The following SPON1 variants were observed in gnomAD, a reference collection of about 807,000 sequenced individuals.
The protein encoded by SPON1 is spondin 1.
A neutral mutation model predicts 111.7 loss-of-function variants in SPON1; 52 were observed. That is an observed-to-expected ratio of 0.47 (90% CI 0.37 to 0.59). The LOEUF is 0.59. Among genes scored for constraint, SPON1 ranks in the 20% least tolerant of loss-of-function variants. The pLI, the probability that SPON1 is intolerant of heterozygous loss-of-function variation, is 0.00. For missense variants in SPON1, 957 were observed against 1,068.5 expected (o/e 0.90, Z 1.46); for synonymous variants, 410 against 395.8 (o/e 1.04, Z -0.43).
At chr11:14,023,410 G>T (rs1848494636) in intron 2 of SPON1, among the ~76,000 whole-genome samples, 1 of 152,032 alleles carries the variant, frequency 6.6e-6, no homozygotes, top group Admixed American at 6.5e-5. Flanking sequence ...GCAGTCAAAG[G>T]TGAGGCTTAA....
chr11:14,182,385 C>T (rs1183462914), intron 6 of SPON1, among the ~76,000 whole-genome samples: 1 of 152,160 alleles, frequency 6.6e-6, no homozygotes, highest in Admixed American at 6.6e-5. Flanking sequence ...TAAATTCTAA[C>T]CTTGGCCCCT....
intron 6 of SPON1, among the ~76,000 whole-genome samples, chr11:14,234,950 C>T (rs1009156153): frequency 2.6e-4 from 39 of 152,200 alleles, no homozygotes; most frequent in Non-Finnish European, 1.5e-4. Context: ...GGCTGCTTCC[C>T]GGGGAACGGG....
chr11:14,265,570 G>A lies in SPON1; in HGVS notation c.2307G>A (p.Leu769=), dbSNP rs1212440112. 2 of 1,613,758 alleles carry A rather than the reference G, an allele frequency of 1.2e-6. No individual in the cohort carries two copies. Among genetic ancestry groups the A allele is most frequent in the Non-Finnish European group, 8.5e-7 (1 of 1,179,814 alleles). Residue 769 remains leucine (L), a synonymous_variant, in exon 16 of 16, where the codon CTG becomes CTA. Transcript: ENST00000576479. ...CGGCCTGGTCAGAATGCACCAAACT[G>A]TGCGGAGGTGGAATTCAGGAACGTT... ...PWTAWSECTK[L]CGGGIQERYM...
intron 3 of SPON1, among the ~76,000 whole-genome samples, chr11:14,042,920 A>G (rs920164448): frequency 2.0e-5 from 3 of 152,220 alleles, no homozygotes; most frequent in East Asian, 1.9e-4. Context: ...CTGTCTGGAC[A>G]TTATTTGTTT....
intron 6 of SPON1, among the ~76,000 whole-genome samples, chr11:14,175,875 G>A (rs1848169267): frequency 6.6e-6 from 1 of 152,158 alleles, no homozygotes; most frequent in Admixed American, 6.6e-5. Flanking sequence ...TTTGCAAGAT[G>A]CTGCCCAATG....
chr11:14,139,975 G>A (rs1554928596), intron 6 of SPON1, among the ~76,000 whole-genome samples: 2 of 152,262 alleles, frequency 1.3e-5, no homozygotes, highest in Middle Eastern at 3.4e-3. Flanking sequence ...GGATAGTGAG[G>A]GGATTGTGGC....
Position 14,259,650 on chromosome 11 carries a change from A to C in SPON1, c.1780A>C (p.Met594Leu). ...CAAGATGAACCCCGCAGATGGCTCC[A>C]TGTGCAAAGCCGAGACATCACAGGC... is the stretch of plus-strand genomic sequence containing the variant. ...MIKMNPADGS[M>L]CKAETSQAEK... is the part of the protein sequence containing the mutation. Residue 594 changes from methionine (M) to leucine (L), a missense_variant, in exon 13 of 16, where the codon ATG becomes CTG. By Grantham distance (15) the Met-to-Leu change is conservative (BLOSUM62 2). This residue lies in a region of SPON1 where 549 missense variants were observed against 606.2 expected (regional missense o/e 0.91). Coordinates refer to ENST00000576479, the MANE Select transcript of SPON1 (RefSeq NM_006108.4). The surrounding 1 kb of genome is among the most constrained non-coding windows in gnomAD (Gnocchi z 5.0). The C allele has an allele frequency of 6.4e-7, 1 of 1,569,188 alleles. No individual in the cohort carries two copies. The highest frequency in any genetic ancestry group is 1.2e-5 in the South Asian group (1 of 84,944).
intron 2 of SPON1, among the ~76,000 whole-genome samples, chr11:14,024,938 CT>C (rs1848507001): frequency 6.6e-6 from 1 of 152,166 alleles, no homozygotes; most frequent in Admixed American, 6.5e-5. Context: ...TGAAAAGAAT[CT>C]GGAGGCCATA....
At chr11:14,061,275 T>A (rs1398145731) in intron 3 of SPON1, among the ~76,000 whole-genome samples, 1 of 152,230 alleles carries the variant, frequency 6.6e-6, no homozygotes, top group African/African-American at 2.4e-5. Flanking sequence ...GAACAAGTAA[T>A]AAGCTGGTAA....
Position 14,259,124 on chromosome 11 carries a change from A to C in SPON1, c.1493-156A>C, listed in dbSNP as rs1849142255. On this transcript the variant is annotated intron_variant, in intron 11 of 15. Coordinates refer to ENST00000576479, the MANE Select transcript of SPON1 (RefSeq NM_006108.4). This position sits in a 1 kb window ranked among gnomAD's most constrained non-coding sequence, Gnocchi z 5.0. ...GAAAAGAGGCATTTCCTCTTAGAGA[A>C]CTTTGCCAGTTTAAGGATTTAGACC... 6.6e-6 allele frequency among the ~76,000 whole-genome samples: 1 copy of C among 152,224 alleles called. No homozygotes were observed. Among genetic ancestry groups the C allele is most frequent in the Non-Finnish European group, 1.5e-5 (1 of 68,042 alleles).
chr11:14,201,314 T>C (rs1280265515), intron 6 of SPON1, among the ~76,000 whole-genome samples: 1 of 151,554 alleles, frequency 6.6e-6, no homozygotes. Flanking sequence ...CACTCTAGCC[T>C]GGGTGACAGA....
rs569651047 is a variant in SPON1, at chr11:13,986,446, CA to C, written c.345+3495del. ...TTATATATATAGAATGTGTAATGAT[CA>C]AGTCAAATATTTCAGGTATCCCGTC... is the stretch of plus-strand genomic sequence containing the variant. On this transcript the variant is annotated intron_variant, in intron 2 of 15. Coordinates refer to ENST00000576479, the MANE Select transcript of SPON1 (RefSeq NM_006108.4). Among the ~76,000 whole-genome samples the C allele has an allele frequency of 2.9e-3, 435 of 152,112 alleles. 3 individuals are homozygous for C. Among genetic ancestry groups the C allele is most frequent in the African/African-American group, 9.9e-3 (412 of 41,488 alleles).
intron 4 of SPON1, among the ~76,000 whole-genome samples, chr11:14,078,816 G>GTC (rs1230833134): frequency 6.6e-6 from 1 of 152,130 alleles, no homozygotes; most frequent in Admixed American, 6.5e-5. Flanking sequence ...TTATTATGAT[G>GTC]TCTCATCCTT....
At chr11:14,150,843 G>A (rs1270188381) in intron 6 of SPON1, among the ~76,000 whole-genome samples, 1 of 152,184 alleles carries the variant, frequency 6.6e-6, no homozygotes, top group African/African-American at 2.4e-5. Flanking sequence ...TTGGGAAATT[G>A]CAGGTATCAG....
rs1215401092 is a variant in SPON1 at position 14,155,635 on chromosome 11, A to T, written c.825+20067A>T. ...CTCTAGCATTAGGTATATCTCCTAA[A>T]GCTATCCCTCCCCACTCCCCCTACC... On this transcript the variant is annotated intron_variant, in intron 6 of 15. Coordinates refer to ENST00000576479, the MANE Select transcript of SPON1 (RefSeq NM_006108.4). Among the ~76,000 whole-genome samples, 7 of 151,066 alleles carry T rather than the reference A, an allele frequency of 4.6e-5. No individual in the cohort carries two copies. In the East Asian group the frequency reaches 5.9e-4, roughly 13 times the overall value.
At chr11:14,037,328 T>G (rs1848601879) in intron 2 of SPON1, among the ~76,000 whole-genome samples, 1 of 151,856 alleles carries the variant, frequency 6.6e-6, no homozygotes, top group Non-Finnish European at 1.5e-5. Flanking sequence ...TTGTTAGAGT[T>G]GGGAAGAAGG....
chr11:14,200,084 C>T (rs938142791), intron 6 of SPON1, among the ~76,000 whole-genome samples: 1 of 152,096 alleles, frequency 6.6e-6, no homozygotes, highest in Non-Finnish European at 1.5e-5. Context: ...CAAGACACAA[C>T]TTAAGAACCA....
intron 2 of SPON1, among the ~76,000 whole-genome samples, chr11:13,997,999 G>C (rs1277530395): frequency 6.6e-6 from 1 of 152,028 alleles, no homozygotes; most frequent in Non-Finnish European, 1.5e-5. Flanking sequence ...GAAGTTCCAT[G>C]AGAGCAGAGA....
chr11:14,254,859 G>GGTC (rs1849089435), intron 8 of SPON1, 130 bp downstream of exon 8: 1 of 859,658 alleles, frequency 1.2e-6, no homozygotes. Context: ...AGGCTGGCAT[G>GGTC]GTCGCATCAT....
Sources: allele counts gnomAD v4.1 joint callset (sites outside exome capture counted in the v4.1 genomes callset), GRCh38; gene constraint gnomAD v4.1.1; regional missense constraint gnomAD v4.1.1; non-coding constraint Gnocchi (gnomAD v3.1); transcripts MANE v1.5; gene names NCBI Gene and HGNC (gene_info 2026-07-23, HGNC 2026-07-21).